The following LGSN variants were observed in gnomAD, a reference collection of about 807,000 sequenced individuals.
The protein encoded by LGSN is lengsin, lens protein with glutamine synthetase domain, also known as lengsin.
In LGSN, 21 loss-of-function variants were observed where a neutral mutation model predicts 19.5. The observed-to-expected ratio is 1.07, with a 90% CI of 0.76 to 1.55. LGSN has a LOEUF of 1.55. Ranked by LOEUF, LGSN falls within the 40% of genes most tolerant of loss-of-function variation. The pLI is 0.00. For missense variants in LGSN, 673 were observed against 608.5 expected (o/e 1.11, Z -1.12); for synonymous variants, 257 against 215.6 (o/e 1.19, Z -1.68).
At chr6:63,480,966 TATATATATATATATATATATAC>T in the LGSN span, among the ~76,000 whole-genome samples, 18 of 31,604 alleles carry the variant, frequency 5.7e-4, no homozygotes, top group African/African-American at 1.3e-3. Flanking sequence ...TATATATATA[TATATATATATATATATATATAC>T]ACACACACAT....
the LGSN span, among the ~76,000 whole-genome samples, chr6:63,562,833 T>C: frequency 6.6e-6 from 1 of 152,238 alleles, no homozygotes; most frequent in East Asian, 1.9e-4. Context: ...TTATTTATTT[T>C]AAGTTTCTGG....
At chr6:63,304,700 A>G (rs920079600) in intron 1 of LGSN, among the ~76,000 whole-genome samples, 9 of 152,196 alleles carry the variant, frequency 5.9e-5, no homozygotes, top group Non-Finnish European at 1.2e-4. Context: ...GCCAGTCACT[A>G]TAGTAGTCAT....
At chr6:63,357,979 G>C in the LGSN span, among the ~76,000 whole-genome samples, 1 of 152,228 alleles carries the variant, frequency 6.6e-6, no homozygotes, top group Middle Eastern at 3.4e-3. Flanking sequence ...TAACATTTAA[G>C]TCTTTAATCC....
At chr6:63,454,124 G>T in the LGSN span, among the ~76,000 whole-genome samples, 1 of 152,092 alleles carries the variant, frequency 6.6e-6, no homozygotes, top group Non-Finnish European at 1.5e-5. Context: ...TCTCAAATAT[G>T]TTCAGATTTT....
the LGSN span, chr6:63,571,603 T>TA: frequency 3.2e-4 from 49 of 152,364 alleles, no homozygotes; most frequent in African/African-American, 1.2e-3. Flanking sequence ...CGAGGATTCT[T>TA]AATTTCTAAA....
At chr6:63,303,102 A>T (rs943458188) in intron 1 of LGSN, among the ~76,000 whole-genome samples, 2 of 152,136 alleles carry the variant, frequency 1.3e-5, no homozygotes, top group African/African-American at 4.8e-5. Context: ...TTATATTTTT[A>T]AAAATATACT....
At chr6:63,527,396 G>A in the LGSN span, among the ~76,000 whole-genome samples, 2 of 152,078 alleles carry the variant, frequency 1.3e-5, no homozygotes, top group African/African-American at 2.4e-5. Flanking sequence ...AATAAGTGCC[G>A]AGTGAATAAG....
the LGSN span, among the ~76,000 whole-genome samples, chr6:63,468,576 TGCCAC>T: frequency 1.4e-5 from 2 of 143,744 alleles, no homozygotes; most frequent in East Asian, 2.1e-4. Context: ...TACAGGTGCG[TGCCAC>T]CACACCTGCC....
At chr6:63,405,346 G>C in the LGSN span, among the ~76,000 whole-genome samples, 1 of 152,198 alleles carries the variant, frequency 6.6e-6, no homozygotes, top group East Asian at 1.9e-4. Context: ...GGGTCAACTG[G>C]TATTTCTAGT....
chr6:63,549,203 G>T, the LGSN span: 1 of 708,346 alleles, frequency 1.4e-6, no homozygotes, highest in Non-Finnish European at 2.6e-6. Context: ...TCTCTGATCT[G>T]TACTTGTGGG....
At chr6:63,432,613 A>C in the LGSN span, among the ~76,000 whole-genome samples, 931 of 151,686 alleles carry the variant, frequency 6.1e-3, 7 homozygotes, top group Admixed American at 0.011. Flanking sequence ...AATGGCATGA[A>C]CCCGGGAGGC....
chr6:63,285,976 C>T (rs566475458), intron 2 of LGSN, among the ~76,000 whole-genome samples: 18 of 152,156 alleles, frequency 1.2e-4, no homozygotes, highest in African/African-American at 2.9e-4. Flanking sequence ...TCAGTTAGGA[C>T]GAGGTCAAAA....
the LGSN span, among the ~76,000 whole-genome samples, chr6:63,405,755 C>T: frequency 1.3e-5 from 2 of 152,126 alleles, no homozygotes; most frequent in African/African-American, 2.4e-5. Context: ...AGTTAAGACC[C>T]ATCAGTGTGC....
chr6:63,449,530 C>T, the LGSN span, among the ~76,000 whole-genome samples: 608 of 147,704 alleles, frequency 4.1e-3, 5 homozygotes, highest in African/African-American at 0.015. Flanking sequence ...GGCAACAGAG[C>T]GAGACTCCGT....
chr6:63,480,015 T>TA, the LGSN span: 1 of 152,376 alleles, frequency 6.6e-6, no homozygotes, highest in African/African-American at 2.4e-5. Flanking sequence ...CTAAGGTCAT[T>TA]ACTCCCACTC....
the LGSN span, among the ~76,000 whole-genome samples, chr6:63,561,106 T>C: frequency 6.6e-6 from 1 of 152,170 alleles, no homozygotes; most frequent in Non-Finnish European, 1.5e-5. Context: ...AACCAGAGCA[T>C]AAGAAAGTAA....
At chr6:63,286,286 A>C (rs1008513895) in intron 2 of LGSN, among the ~76,000 whole-genome samples, 4 of 152,228 alleles carry the variant, frequency 2.6e-5, no homozygotes, top group Non-Finnish European at 4.4e-5. Context: ...TAACTCTAAG[A>C]AATATACATA....
At chr6:63,467,436 C>T in the LGSN span, among the ~76,000 whole-genome samples, 1 of 152,076 alleles carries the variant, frequency 6.6e-6, no homozygotes, top group Non-Finnish European at 1.5e-5. Flanking sequence ...CAAAATACCA[C>T]AGTCTGGGTG....
the LGSN span, among the ~76,000 whole-genome samples, chr6:63,412,721 A>AGG: frequency 7.8e-3 from 259 of 33,292 alleles, 14 homozygotes; most frequent in African/African-American, 0.05. Flanking sequence ...GAAGGAAGGA[A>AGG]AGAAAGAAAG....
Sources: gnomAD v4.1 joint callset for allele counts (sites outside exome capture counted in the v4.1 genomes callset) on GRCh38, gnomAD v4.1.1 for gene constraint, MANE v1.5 for transcripts, NCBI Gene and HGNC (gene_info 2026-07-23, HGNC 2026-07-21) for gene names.